The following MTMR8 variants were observed in gnomAD, a reference collection of about 807,000 sequenced individuals.
The protein encoded by MTMR8 is phosphatidylinositol-3,5-bisphosphate 3-phosphatase MTMR8.
Under a neutral mutation model 39.3 loss-of-function variants are expected in MTMR8, and 65 were observed. That is an observed-to-expected ratio of 1.65 (90% confidence interval 1.35 to 2.03). The LOEUF (loss-of-function observed/expected upper bound fraction) is 2.03. Ranked by LOEUF, MTMR8 falls within the 30% of genes most tolerant of loss-of-function variation. The pLI, the probability that MTMR8 is intolerant of heterozygous loss-of-function variation, is 0.00. For missense variants in MTMR8, 777 were observed against 538.9 expected, an observed-to-expected ratio of 1.44 and a Z score of -4.37; for synonymous variants, 245 against 185.2, an observed-to-expected ratio of 1.32 and a Z score of -2.62.
chrX:64,305,597 A>C (rs1922082794), intron 12 of MTMR8: 1 of 515,412 alleles, frequency 1.9e-6, no homozygotes, highest in East Asian at 3.6e-5. Flanking sequence ...GAGGTGCAGC[A>C]GTCTGAACCA....
chrX:64,378,204 T>C (rs1301339348), intron 1 of MTMR8, among the ~76,000 whole-genome samples: 1 of 112,015 alleles, frequency 8.9e-6, no homozygotes, highest in Non-Finnish European at 1.9e-5. Context: ...ATTTTTGTTA[T>C]AGCAGCCTGA....
At chrX:64,348,031 C>A (rs370135254) in intron 6 of MTMR8, among the ~76,000 whole-genome samples, 1 of 111,817 alleles carries the variant, frequency 8.9e-6, no homozygotes, top group Non-Finnish European at 1.9e-5. Flanking sequence ...CCAAAATCCA[C>A]GGCAAATTTA....
rs1602143475 is a variant in MTMR8 at position 64,353,352 on chromosome X, G to C, written c.468+1425C>G. ...TATTTGCAGATTACCCATCTGACAA[G>C]GGATTAATAACCAGAAAATATAAGG... is the stretch of plus-strand genomic sequence containing the variant. On this transcript the variant is annotated intron_variant, in intron 4 of 13. Coordinates refer to ENST00000374852, the MANE Select transcript of MTMR8 (RefSeq NM_017677.4). Among the ~76,000 whole-genome samples, 7 of 111,895 alleles carry C rather than the reference G, an allele frequency of 6.3e-5. No individual in the cohort carries two copies. In the Admixed American group the frequency reaches 6.6e-4, roughly 11 times the overall value.
chrX:64,354,985 AATC>A (rs1433360853), intron 3 of MTMR8, 51 bp from the exon 4 acceptor site: 3 of 1,021,190 alleles, frequency 2.9e-6, no homozygotes, highest in African/African-American at 3.9e-5. Context: ...GAAACCTAAA[AATC>A]ATCAAACAAT....
At chrX:64,269,139 T>C in intron 13 of MTMR8, 96 bp from the exon 14 acceptor site, 3 of 917,940 alleles carry the variant, frequency 3.3e-6, no homozygotes, top group Non-Finnish European at 4.5e-6. Flanking sequence ...TTGCTGTCAC[T>C]TATAATGGTA....
chrX:64,361,365 T>C (rs1923775761), intron 1 of MTMR8, among the ~76,000 whole-genome samples: 1 of 111,729 alleles, frequency 9.0e-6, no homozygotes, highest in South Asian at 3.7e-4. Flanking sequence ...ATCTTGATTC[T>C]AAAATCAAAT....
intron 1 of MTMR8, among the ~76,000 whole-genome samples, chrX:64,382,231 G>A (rs1465804932): frequency 7.2e-5 from 8 of 111,700 alleles, no homozygotes; most frequent in African/African-American, 2.3e-4. Flanking sequence ...CCTCCTGCCC[G>A]TGAGCATGGA....
chrX:64,312,177 G>A (rs936602993), intron 12 of MTMR8, among the ~76,000 whole-genome samples: 5 of 111,114 alleles, frequency 4.5e-5, no homozygotes, highest in African/African-American at 1.6e-4. Flanking sequence ...CTTTTATTTC[G>A]TTGAGCAGTG....
At chrX:64,337,031 T>C (rs985843878) in intron 9 of MTMR8, among the ~76,000 whole-genome samples, 1 of 111,691 alleles carries the variant, frequency 9.0e-6, no homozygotes, top group Non-Finnish European at 1.9e-5. Flanking sequence ...TCCTACTCTG[T>C]ACAGTAGTCT....
At chrX:64,339,222 C>T (rs1294739487) in intron 8 of MTMR8, among the ~76,000 whole-genome samples, 1 of 110,772 alleles carries the variant, frequency 9.0e-6, no homozygotes, top group Non-Finnish European at 1.9e-5. Context: ...AGCAGTGACC[C>T]TTAAAGGGCA....
At chrX:64,389,685 C>T (rs888475128) in intron 1 of MTMR8, among the ~76,000 whole-genome samples, 3 of 111,638 alleles carry the variant, frequency 2.7e-5, no homozygotes, top group Non-Finnish European at 5.6e-5. Flanking sequence ...CCTCCCATGA[C>T]TAATGTATAC....
chrX:64,358,349 C>T (rs1923681341), intron 2 of MTMR8, among the ~76,000 whole-genome samples: 1 of 111,392 alleles, frequency 9.0e-6, no homozygotes, highest in Admixed American at 9.5e-5. Context: ...GGGGAAAGTT[C>T]AGTTTTAAAA....
At chrX:64,391,608 G>A (rs1243885643) in intron 1 of MTMR8, among the ~76,000 whole-genome samples, 1 of 112,149 alleles carries the variant, frequency 8.9e-6, no homozygotes, top group Non-Finnish European at 1.9e-5. Flanking sequence ...GACTCCCAAT[G>A]TGATATTCTG....
intron 13 of MTMR8, among the ~76,000 whole-genome samples, chrX:64,270,536 G>A (rs757708186): frequency 8.9e-6 from 1 of 112,320 alleles, no homozygotes; most frequent in African/African-American, 3.2e-5. Flanking sequence ...CAGTTTACAT[G>A]GGAAGGAAAT....
intron 1 of MTMR8, among the ~76,000 whole-genome samples, chrX:64,375,979 G>T (rs1199988194): frequency 9.0e-6 from 1 of 111,205 alleles, no homozygotes. Flanking sequence ...AAAGTGTGTA[G>T]CACTTCCCCT....
chrX:64,347,417 C>T (rs975247397), intron 6 of MTMR8, among the ~76,000 whole-genome samples: 1 of 111,879 alleles, frequency 8.9e-6, no homozygotes, highest in East Asian at 2.8e-4. Context: ...ATGGCTGAAA[C>T]AAGACAGCAA....
chrX:64,268,269 T>C lies in MTMR8; in HGVS notation c.*268A>G, dbSNP rs1472670270. 1 of 336,602 alleles carries C rather than the reference T, an allele frequency of 3.0e-6. No individual in the cohort carries two copies. The highest frequency in any genetic ancestry group is 2.6e-5 in the African/African-American group (1 of 38,193). 27.7% of individuals were successfully genotyped at this position (336,602 alleles called of 1,213,427 possible). On this transcript the variant is annotated 3_prime_UTR_variant, in exon 14 of 14. Transcript: ENST00000374852. ...AACAGACAGTAGAACCAGCTTAATA[T>C]GTGTCTCAGCTGAGAGGCAACATTT...
At chrX:64,372,645 CTA>C (rs1355819745) in intron 1 of MTMR8, among the ~76,000 whole-genome samples, 1 of 111,567 alleles carries the variant, frequency 9.0e-6, no homozygotes. Context: ...AGGTGTTTGC[CTA>C]TATCAATAGT....
At chrX:64,390,740 C>T (rs1169534411) in intron 1 of MTMR8, among the ~76,000 whole-genome samples, 1 of 111,193 alleles carries the variant, frequency 9.0e-6, no homozygotes, top group Admixed American at 9.6e-5. Flanking sequence ...CAGCCTCGAC[C>T]TCCCAGATTC....
Sources: gnomAD v4.1 joint callset for allele counts (sites outside exome capture counted in the v4.1 genomes callset) on GRCh38, gnomAD v4.1.1 for gene constraint, MANE v1.5 for transcripts, NCBI Gene and HGNC (gene_info 2026-07-23, HGNC 2026-07-21) for gene names.